LNPEP: variants seen among roughly 807,000 people sequenced by gnomAD.
LNPEP encodes leucyl-cystinyl aminopeptidase.
LNPEP carries 64 observed loss-of-function variants against 120.6 expected under a neutral mutation model. That is an observed-to-expected ratio of 0.53 (90% confidence interval 0.43 to 0.65). The LOEUF (loss-of-function observed/expected upper bound fraction) is 0.65. Among genes scored for constraint, LNPEP ranks in the 30% least tolerant of loss-of-function variants. The pLI is 0.00. For missense variants in LNPEP, 1,057 were observed against 1,200.0 expected (o/e 0.88, Z 1.76); for synonymous variants, 435 against 425.4 (o/e 1.02, Z -0.28).
At chr5:96,975,114 A>G (rs994844610) in intron 1 of LNPEP, among the ~76,000 whole-genome samples, 1 of 152,154 alleles carries the variant, frequency 6.6e-6, no homozygotes, top group Non-Finnish European at 1.5e-5. Flanking sequence ...TTTATAGGTG[A>G]GGAAATTGAG....
At chr5:96,968,047 C>T (rs1789768559) in intron 1 of LNPEP, among the ~76,000 whole-genome samples, 1 of 152,070 alleles carries the variant, frequency 6.6e-6, no homozygotes, top group African/African-American at 2.4e-5. Flanking sequence ...TGAAATGTAT[C>T]CGTTATTCTA....
intron 13 of LNPEP, among the ~76,000 whole-genome samples, chr5:97,020,953 A>G (rs1439172014): frequency 6.6e-6 from 1 of 152,198 alleles, no homozygotes; most frequent in Non-Finnish European, 1.5e-5. Flanking sequence ...CAGAATGGAA[A>G]TACTTCGACA....
At chr5:97,013,362 GTTTAC>G (rs1389950686) in intron 11 of LNPEP, among the ~76,000 whole-genome samples, 1 of 152,068 alleles carries the variant, frequency 6.6e-6, no homozygotes, top group Non-Finnish European at 1.5e-5. Context: ...GTACTTGCCT[GTTTAC>G]TTTAGACTGT....
Position 97,003,478 on chromosome 5 carries a change from G to T in LNPEP, c.1717G>T (p.Val573Phe), listed in dbSNP as rs764050220. 2.5e-6 allele frequency: 4 copies of T among 1,602,432 alleles called. No homozygotes were observed. The highest frequency in any genetic ancestry group is 2.2e-5 in the South Asian group (2 of 90,300). ...LSEDVFQHAVVLYLHNHSYAS... is the reference protein window; with the variant it reads ...LSEDVFQHAVFLYLHNHSYAS... ...TGAAGATGTGTTTCAACATGCTGTTGTCCTTTACCTGCATAATCACAGCTA... is the reference window on the plus strand; with the variant it reads ...TGAAGATGTGTTTCAACATGCTGTTTTCCTTTACCTGCATAATCACAGCTA... Residue 573 changes from valine to phenylalanine, a missense_variant, in exon 9 of 18, where the codon GTC becomes TTC. Val to Phe is a conservative substitution (Grantham distance 50, BLOSUM62 -1). Coordinates refer to ENST00000231368, the MANE Select transcript of LNPEP (RefSeq NM_005575.3).
rs140422288 is a variant in LNPEP, at chr5:97,032,575, C to G, written c.*4042C>G. 1 of 152,182 alleles carries G rather than the reference C, an allele frequency of 6.6e-6. No homozygotes were observed. The highest frequency in any genetic ancestry group is 1.9e-4 in the East Asian group (1 of 5,186). 9.4% of individuals were successfully genotyped at this position (152,182 alleles called of 1,614,324 possible). A position where few individuals can be genotyped will look rare whatever the true frequency, so the allele number is the denominator to read the frequency against. On this transcript the variant is annotated 3_prime_UTR_variant, in exon 18 of 18. Transcript: ENST00000231368. Reference sequence around the variant, plus strand: ...ATATATCATCCTATGAAAATTTCATCTACCCTTCCCATTTTACCTGTATGG... The same window carrying G: ...ATATATCATCCTATGAAAATTTCATGTACCCTTCCCATTTTACCTGTATGG...
rs1582015589 is a variant in LNPEP, at chr5:96,997,902, C to T, written c.1522-112C>T. ...TATCCTGAAGTTTAGTGACACTGGT[C>T]ATTTTTTCCTAATGATATTTCACAC... On this transcript the variant is annotated intron_variant, in intron 7 of 17. Coordinates refer to ENST00000231368, the MANE Select transcript of LNPEP (RefSeq NM_005575.3). 2.8e-5 allele frequency: 20 copies of T among 704,076 alleles called. No homozygotes were observed. In the East Asian group the frequency reaches 5.9e-4, roughly 21 times the overall value. The allele number at this position is 704,076 out of a possible 1,614,324, so 43.6% of individuals were successfully genotyped here. A position where few individuals can be genotyped will look rare whatever the true frequency, so the allele number is the denominator to read the frequency against.
At chr5:96,941,088 C>T (rs564144521) in intron 1 of LNPEP, among the ~76,000 whole-genome samples, 4 of 152,332 alleles carry the variant, frequency 2.6e-5, no homozygotes, top group African/African-American at 9.6e-5. Flanking sequence ...TGCAAGTAGA[C>T]AGTCCCATCT....
At chr5:96,936,863 T>A (rs537778421) in intron 1 of LNPEP, 1 of 152,144 alleles carries the variant, frequency 6.6e-6, no homozygotes, top group Non-Finnish European at 1.5e-5. Flanking sequence ...ACGGTGGTGA[T>A]ACCACTGTGT....
intron 1 of LNPEP, among the ~76,000 whole-genome samples, chr5:96,937,934 C>T (rs1373999927): frequency 6.6e-6 from 1 of 152,128 alleles, no homozygotes; most frequent in East Asian, 1.9e-4. Flanking sequence ...TGATTCTTTC[C>T]TATCTTTCAG....
chr5:96,993,318 G>C (rs946906408), intron 5 of LNPEP, among the ~76,000 whole-genome samples, 183 bp downstream of exon 5: 3 of 152,102 alleles, frequency 2.0e-5, no homozygotes, highest in Non-Finnish European at 2.9e-5. Context: ...ATCTGAAGTT[G>C]GAGCTTAAAA....
At chr5:96,941,478 A>AT (rs547521837) in intron 1 of LNPEP, among the ~76,000 whole-genome samples, 18 of 152,158 alleles carry the variant, frequency 1.2e-4, no homozygotes, top group South Asian at 2.1e-4. Context: ...TTATTTATTT[A>AT]TTATTATTTT....
chr5:96,949,296 C>T (rs1480195544), intron 1 of LNPEP, among the ~76,000 whole-genome samples: 7 of 152,210 alleles, frequency 4.6e-5, no homozygotes, highest in Admixed American at 2.6e-4. Context: ...GGCAAGTGAG[C>T]GTTACCGCCT....
intron 4 of LNPEP, among the ~76,000 whole-genome samples, chr5:96,987,277 T>A (rs1423567): frequency 0.039 from 5,987 of 152,294 alleles, 374 homozygotes; most frequent in African/African-American, 0.14. Flanking sequence ...GATTGGACTT[T>A]ATACTTTGAT....
At chr5:96,987,664 C>T (rs758076413) in intron 4 of LNPEP, among the ~76,000 whole-genome samples, 3 of 152,120 alleles carry the variant, frequency 2.0e-5, no homozygotes, top group Non-Finnish European at 2.9e-5. Context: ...TTTAATGATG[C>T]TACTCAAAAA....
intron 1 of LNPEP, among the ~76,000 whole-genome samples, chr5:96,957,512 T>G (rs1789498330): frequency 6.6e-6 from 1 of 152,154 alleles, no homozygotes; most frequent in African/African-American, 2.4e-5. Context: ...ATTATCTAGT[T>G]AGGCCCAGTG....
At chr5:97,011,161 C>T (rs1561451441) in intron 11 of LNPEP, 1 of 985,338 alleles carries the variant, frequency 1.0e-6, no homozygotes, top group East Asian at 1.1e-4. Flanking sequence ...CATTTCTTGT[C>T]TCCTTTTATG....
intron 1 of LNPEP, among the ~76,000 whole-genome samples, chr5:96,945,100 A>C (rs984457273): frequency 1.3e-5 from 2 of 152,078 alleles, no homozygotes; most frequent in African/African-American, 4.8e-5. Context: ...TCTCTCCTGG[A>C]TCAAAAAAAG....
chr5:97,028,302 G>A (rs1791393669), intron 17 of LNPEP, 100 bp from the exon 18 acceptor site: 4 of 1,060,262 alleles, frequency 3.8e-6, no homozygotes, highest in Non-Finnish European at 5.8e-6. Flanking sequence ...CAAGATAGCA[G>A]CACAGCCATC....
At chr5:96,960,236 C>A (rs918436900) in intron 1 of LNPEP, among the ~76,000 whole-genome samples, 27 of 152,128 alleles carry the variant, frequency 1.8e-4, no homozygotes, top group Admixed American at 1.4e-3. Context: ...CCGTGCCTGG[C>A]CAAAATTTAT....
Sources: gnomAD v4.1 joint callset for allele counts (sites outside exome capture counted in the v4.1 genomes callset) on GRCh38, gnomAD v4.1.1 for gene constraint, MANE v1.5 for transcripts, NCBI Gene and HGNC (gene_info 2026-07-23, HGNC 2026-07-21) for gene names.